SLC35B3: variants seen among roughly 807,000 people sequenced by gnomAD.
SLC35B3 encodes the protein solute carrier family 35 member B3, also known as adenosine 3'-phospho 5'-phosphosulfate transporter 2.
In SLC35B3, 35 loss-of-function variants were observed where a neutral mutation model predicts 44.1. That is an observed-to-expected ratio of 0.79 (90% CI 0.61 to 1.05). The LOEUF is 1.05. Among genes scored for constraint, SLC35B3 ranks in the 50% least tolerant of loss-of-function variants. The pLI is 0.00. For missense variants in SLC35B3, 414 were observed against 476.4 expected, an observed-to-expected ratio of 0.87 and a Z score of 1.22; for synonymous variants, 146 against 167.3, an observed-to-expected ratio of 0.87 and a Z score of 0.98.
intron 7 of SLC35B3, chr6:8,418,813 A>C (rs893913618): frequency 4.7e-6 from 1 of 214,486 alleles, no homozygotes. Flanking sequence ...TGCCATACCA[A>C]TCACAATACC....
rs1160368988 is a variant in SLC35B3 at position 8,430,132 on chromosome 6, A to G, written c.29T>C (p.Ile10Thr). The change falls in exon 3 of 11, where the codon ATA (isoleucine) becomes ACA (threonine). Residue 10 changes from isoleucine to threonine, a missense_variant. Ile to Thr is a moderately conservative substitution (Grantham distance 89). Coordinates refer to ENST00000644923, the MANE Select transcript of SLC35B3 (RefSeq NM_001370476.2). Reference sequence around the variant, plus strand: ...GGTTTCCTGGACTGTTATGTTCTGTATGTCTTTTGCTTGCTGTGTCAAGTC... The same window carrying G: ...GGTTTCCTGGACTGTTATGTTCTGTGTGTCTTTTGCTTGCTGTGTCAAGTC... 6.3e-7 allele frequency: 1 copy of G among 1,593,066 alleles called. No individual in the cohort carries two copies. The highest frequency in any genetic ancestry group is 1.4e-5 in the African/African-American group (1 of 74,068).
At chr6:8,422,922 T>G (rs1374759559) in intron 4 of SLC35B3, among the ~76,000 whole-genome samples, 1 of 148,160 alleles carries the variant, frequency 6.7e-6, no homozygotes, top group Non-Finnish European at 1.5e-5. Flanking sequence ...TTTTTTTTTT[T>G]TAACAGCAGT....
intron 4 of SLC35B3, among the ~76,000 whole-genome samples, chr6:8,427,146 T>C (rs1421373976): frequency 6.6e-6 from 1 of 152,228 alleles, no homozygotes; most frequent in African/African-American, 2.4e-5. Context: ...TCAGAAAATT[T>C]GCAACCTGAC....
At chr6:8,417,845 A>T (rs917897828) in intron 7 of SLC35B3, among the ~76,000 whole-genome samples, 1 of 152,160 alleles carries the variant, frequency 6.6e-6, no homozygotes, top group African/African-American at 2.4e-5. Flanking sequence ...TATAAAACAT[A>T]AAAAAATTAA....
intron 7 of SLC35B3, among the ~76,000 whole-genome samples, 179 bp from the exon 7 acceptor site, chr6:8,417,673 A>G (rs759426466): frequency 6.6e-6 from 1 of 152,110 alleles, no homozygotes; most frequent in Non-Finnish European, 1.5e-5. Context: ...TTATAAGTCT[A>G]TGCCTCATTT....
At chr6:8,421,120 T>C (rs79507883) in intron 5 of SLC35B3, among the ~76,000 whole-genome samples, 8,825 of 152,194 alleles carry the variant, frequency 0.058, 329 homozygotes, top group Middle Eastern at 0.095. Flanking sequence ...CCACAAACAT[T>C]TAAAAAATTT....
chr6:8,424,275 G>A (rs187471262), intron 4 of SLC35B3, among the ~76,000 whole-genome samples: 15 of 151,690 alleles, frequency 9.9e-5, no homozygotes, highest in African/African-American at 2.7e-4. Flanking sequence ...TTTTTGAGAC[G>A]GAGTCTCGCT....
rs1421510907 is a variant in SLC35B3 at position 8,412,650 on chromosome 6, G to A, written c.*899C>T. Among the ~76,000 whole-genome samples the A allele has an allele frequency of 6.6e-6, 1 of 152,160 alleles. No individual in the cohort carries two copies. Among genetic ancestry groups the A allele is most frequent in the East Asian group, 1.9e-4 (1 of 5,178 alleles). On this transcript the variant is annotated 3_prime_UTR_variant, in exon 11 of 11. Transcript: ENST00000644923. ...CCAACCCTTTTGGCAGTAGGGACTA[G>A]TTTCGTGGAAGACAATTTTTCCATG...
At position 8,416,378 on chromosome 6, in the gene SLC35B3, G is replaced by C. The variant is rs34088699; in HGVS notation, c.985+506C>G. ...CCTCCAAAGCAGAACAAATACAACTGATTTTTCTACAGGGCCAAGCAAAGA... is the reference window on the plus strand; with the variant it reads ...CCTCCAAAGCAGAACAAATACAACTCATTTTTCTACAGGGCCAAGCAAAGA... On this transcript the variant is annotated intron_variant, in intron 9 of 10. Coordinates refer to ENST00000644923, the MANE Select transcript of SLC35B3 (RefSeq NM_001370476.2). Among the ~76,000 whole-genome samples, 303 of 152,178 alleles carry C rather than the reference G, an allele frequency of 2.0e-3. 1 individual carries two copies. Among genetic ancestry groups the C allele is most frequent in the Admixed American group, 3.9e-3 (60 of 15,280 alleles).
rs1763803570 is a variant in SLC35B3, at chr6:8,429,947, G to C, written c.214C>G (p.Leu72Val). The change falls in exon 3 of 11, where the codon CTC becomes GTC. Residue 72 changes from leucine to valine, a missense_variant. Leu to Val is a conservative substitution (Grantham distance 32). Transcript: ENST00000644923. ...TGAGTAAGTTTGTTAAACTTGCTGA[G>C]ATTCATGCCAAGTACCACAACGTCG... 6.2e-7 allele frequency: 1 copy of C among 1,611,828 alleles called. No homozygotes were observed. The highest frequency in any genetic ancestry group is 8.5e-7 in the Non-Finnish European group (1 of 1,179,378).
In SLC35B3 at chr6:8,421,968, G is replaced by T. The variant is rs139388981; in HGVS notation, c.574+502C>A. The stretch of plus-strand genomic sequence containing the variant: ...TTCTTTTTCTTAAGTCCAAATTACT[G>T]ACTTCAGAAACTAAGGCATATAAGT... On this transcript the variant is annotated intron_variant, in intron 5 of 10. Transcript: ENST00000644923. 9.3e-3 allele frequency among the ~76,000 whole-genome samples: 1,415 copies of T among 151,930 alleles called. 23 individuals are homozygous for T. The highest frequency in any genetic ancestry group is 0.032 in the African/African-American group (1,317 of 41,470).
chr6:8,415,540 T>A (rs1762343488), intron 9 of SLC35B3, among the ~76,000 whole-genome samples: 1 of 152,204 alleles, frequency 6.6e-6, no homozygotes, highest in African/African-American at 2.4e-5. Context: ...TAGATCTCCA[T>A]GACAGTACTT....
intron 9 of SLC35B3, among the ~76,000 whole-genome samples, chr6:8,415,345 A>G (rs980549014): frequency 6.6e-6 from 1 of 152,200 alleles, no homozygotes; most frequent in Non-Finnish European, 1.5e-5. Flanking sequence ...AGAAACAGTA[A>G]TCTAAAGGAT....
chr6:8,422,907 GTTTTT>G (rs57405337), intron 4 of SLC35B3, among the ~76,000 whole-genome samples: 37,347 of 146,244 alleles, frequency 0.26, 4,798 homozygotes, highest in South Asian at 0.32. Context: ...TTGACAAAAG[GTTTTT>G]TTTTTTTTTT....
In SLC35B3 at chr6:8,420,814, C is replaced by T. The variant is rs747069121; in HGVS notation, c.589G>A (p.Val197Ile). Reference sequence around the variant, plus strand: ...CATATGGCAGCAGACACATCTGCAACATTATAACGCTTTCCTGTATAAAAC... The same window carrying T: ...CATATGGCAGCAGACACATCTGCAATATTATAACGCTTTCCTGTATAAAAC... The change falls in exon 6 of 11, where the codon GTT (valine) becomes ATT (isoleucine). Residue 197 changes from valine to isoleucine, a missense_variant. By Grantham distance (29) the Val-to-Ile change is conservative. Transcript: ENST00000644923. This position sits in a 1 kb window ranked among gnomAD's most constrained non-coding sequence, Gnocchi z 4.4. 3.1e-6 allele frequency: 5 copies of T among 1,610,900 alleles called. No individual in the cohort carries two copies. The highest frequency in any genetic ancestry group is 4.2e-6 in the Non-Finnish European group (5 of 1,177,870).
At chr6:8,427,438 T>C (rs1581260591) in intron 4 of SLC35B3, among the ~76,000 whole-genome samples, 1 of 152,232 alleles carries the variant, frequency 6.6e-6, no homozygotes, top group African/African-American at 2.4e-5. Flanking sequence ...GCACATTTTA[T>C]ATCATTTTGT....
chr6:8,430,270 A>C (rs1478975281), intron 2 of SLC35B3, 113 bp from the exon 2 acceptor site: 1 of 968,066 alleles, frequency 1.0e-6, no homozygotes, highest in Middle Eastern at 3.3e-4. Flanking sequence ...TCTGGATATT[A>C]GTATATTAAT....
intron 4 of SLC35B3, among the ~76,000 whole-genome samples, 177 bp from the exon 4 acceptor site, chr6:8,422,801 T>G (rs1052770688): frequency 5.3e-5 from 8 of 152,326 alleles, no homozygotes; most frequent in African/African-American, 1.9e-4. Context: ...ATAAAAAAGT[T>G]TATAAAAATA....
intron 5 of SLC35B3, among the ~76,000 whole-genome samples, chr6:8,421,375 C>G (rs1762876751): frequency 6.6e-6 from 1 of 152,018 alleles, no homozygotes; most frequent in Non-Finnish European, 1.5e-5. Flanking sequence ...TTATATATGC[C>G]TAGTCAGTTG....
Sources: allele counts gnomAD v4.1 joint callset (sites outside exome capture counted in the v4.1 genomes callset), GRCh38; gene constraint gnomAD v4.1.1; non-coding constraint Gnocchi (gnomAD v3.1); transcripts MANE v1.5; gene names NCBI Gene and HGNC (gene_info 2026-07-23, HGNC 2026-07-21).